The following PACS2 variants were observed in gnomAD, a reference collection of about 807,000 sequenced individuals.
PACS2 encodes the protein PACS1-like protein.
In PACS2, 36 loss-of-function variants were observed where a neutral mutation model predicts 113.0. That is an observed-to-expected ratio of 0.32 (90% CI 0.24 to 0.42). The LOEUF is 0.42. Ranked by LOEUF, PACS2 falls within the 10% of genes least tolerant of loss-of-function variation. The pLI is 1.00. For missense variants in PACS2, 1,015 were observed against 1,239.5 expected, an observed-to-expected ratio of 0.82 and a Z score of 2.72; for synonymous variants, 589 against 536.1, an observed-to-expected ratio of 1.10 and a Z score of -1.36.
chr14:105,335,440 G>A (rs587656793), intron 1 of PACS2, among the ~76,000 whole-genome samples: 45 of 147,688 alleles, frequency 3.0e-4, no homozygotes, highest in African/African-American at 1.1e-3. Context: ...GGCGCCTGGC[G>A]TGGCTCTGAC....
At chr14:105,362,204 G>A (rs1566940560) in intron 4 of PACS2, among the ~76,000 whole-genome samples, 3 of 151,096 alleles carry the variant, frequency 2.0e-5, no homozygotes, top group East Asian at 2.0e-4. Flanking sequence ...GGATCACGAG[G>A]TCAGGAGATC....
chr14:105,322,392 T>C (rs587767838), intron 1 of PACS2, among the ~76,000 whole-genome samples: 73 of 151,830 alleles, frequency 4.8e-4, no homozygotes, highest in Middle Eastern at 3.4e-3. Context: ...GCCTCCCGAG[T>C]AGCTGGAACT....
intron 8 of PACS2, chr14:105,372,549 T>C (rs1555409593): frequency 6.6e-6 from 1 of 152,222 alleles, no homozygotes; most frequent in East Asian, 1.9e-4. Flanking sequence ...GTAAATATTA[T>C]GTTTTATATA....
intron 9 of PACS2, 101 bp from the exon 10 acceptor site, chr14:105,379,638 T>G: frequency 1.1e-6 from 1 of 945,362 alleles, no homozygotes; most frequent in Admixed American, 1.8e-5. Flanking sequence ...TGCCGTTGGA[T>G]TCTGCAGTCT....
At chr14:105,351,052 G>T (rs908824508) in intron 2 of PACS2, among the ~76,000 whole-genome samples, 6 of 152,182 alleles carry the variant, frequency 3.9e-5, no homozygotes, top group Non-Finnish European at 5.9e-5. Context: ...ACCCGAACCT[G>T]GGCTGGCCCC....
intron 1 of PACS2, among the ~76,000 whole-genome samples, chr14:105,316,461 C>T (rs1359763009): frequency 2.0e-5 from 3 of 152,276 alleles, no homozygotes; most frequent in Non-Finnish European, 2.9e-5. Flanking sequence ...GCCTCACCCA[C>T]AGCCCCAGAA....
rs587605866 is a variant in PACS2 at position 105,367,053 on chromosome 14, T to G, written c.424-160T>G. Among the ~76,000 whole-genome samples, 6 of 152,318 alleles carry G rather than the reference T, an allele frequency of 3.9e-5. No homozygotes were observed. In the East Asian group the frequency reaches 1.2e-3, roughly 29 times the overall value. ...GTCCCCTCTCCCCAGTGGCCACGTT[T>G]CCTGTCCACTGGATGCTCCCTGCCC... On this transcript the variant is annotated intron_variant, in intron 4 of 24. Coordinates refer to ENST00000447393, the MANE Select transcript of PACS2 (RefSeq NM_001100913.3).
intron 4 of PACS2, among the ~76,000 whole-genome samples, chr14:105,359,159 C>T (rs1373700859): frequency 6.6e-6 from 1 of 152,138 alleles, no homozygotes; most frequent in Non-Finnish European, 1.5e-5. Flanking sequence ...CGCGGCGGTG[C>T]GTGGTGACCT....
At position 105,397,058 on chromosome 14, in the gene PACS2, C is replaced by G. The variant is rs1470845247; in HGVS notation, c.*2386C>G. Reference sequence around the variant, plus strand: ...AGTCTCCATCCAGCAGCTGGGGGTTCTGGTGGCACTCCCTGTGCCCCTGCT... The same window carrying G: ...AGTCTCCATCCAGCAGCTGGGGGTTGTGGTGGCACTCCCTGTGCCCCTGCT... On this transcript the variant is annotated 3_prime_UTR_variant, in exon 25 of 25. Transcript: ENST00000447393. 1.3e-5 allele frequency: 2 copies of G among 152,284 alleles called. No homozygotes were observed. The highest frequency in any genetic ancestry group is 6.5e-5 in the Admixed American group (1 of 15,288). The allele number at this position is 152,284 out of a possible 1,614,324, so 9.4% of individuals were successfully genotyped here.
At chr14:105,341,240 G>A (rs1475789050) in intron 1 of PACS2, among the ~76,000 whole-genome samples, 10 of 152,158 alleles carry the variant, frequency 6.6e-5, no homozygotes, top group African/African-American at 1.2e-4. Context: ...TATGCCTCTC[G>A]CTTCTCTCTG....
intron 16 of PACS2, chr14:105,383,971 G>A (rs782029551): frequency 5.4e-5 from 16 of 294,768 alleles, no homozygotes; most frequent in Non-Finnish European, 9.0e-5. Context: ...GTCTTACCAC[G>A]AAACAAACCC....
At chr14:105,302,391 CG>C (rs1392253116) in intron 1 of PACS2, among the ~76,000 whole-genome samples, 1 of 150,660 alleles carries the variant, frequency 6.6e-6, no homozygotes, top group African/African-American at 2.4e-5. Context: ...TTAGTAGAGA[CG>C]GGGTTTCTCC....
In PACS2 at chr14:105,329,020, C is replaced by T. The variant is rs1050232010; in HGVS notation, c.119+13983C>T. On this transcript the variant is annotated intron_variant, in intron 1 of 24. Transcript: ENST00000447393. This position sits in a 1 kb window ranked among gnomAD's most constrained non-coding sequence, Gnocchi z 6.4. ...TAGGCATTCGATGAATCTTCTCCAC[C>T]TTGCTGTGGGGTTAATTCAGGGGAG... is the stretch of plus-strand genomic sequence containing the variant. Among the ~76,000 whole-genome samples, 1 of 152,234 alleles carries T rather than the reference C, an allele frequency of 6.6e-6. No homozygotes were observed. Among genetic ancestry groups the T allele is most frequent in the Non-Finnish European group, 1.5e-5 (1 of 68,040 alleles).
intron 8 of PACS2, among the ~76,000 whole-genome samples, chr14:105,375,547 C>T (rs900681847): frequency 6.6e-6 from 1 of 151,552 alleles, no homozygotes; most frequent in Non-Finnish European, 1.5e-5. Flanking sequence ...ACACAAGTAG[C>T]CAATAAGTAC....
At chr14:105,313,523 G>C (rs2058412263), upstream of PACS2, among the ~76,000 whole-genome samples, 1 of 152,212 alleles carries the variant, frequency 6.6e-6, no homozygotes, top group Non-Finnish European at 1.5e-5. Flanking sequence ...AGTCGCAGCT[G>C]TTTGCAGTTC....
chr14:105,392,897 G>T, intron 23 of PACS2, 52 bp downstream of exon 23: 1 of 1,409,108 alleles, frequency 7.1e-7, no homozygotes. Context: ...CGGCTCTGTG[G>T]GAGAGGGCGG....
chr14:105,334,818 C>T (rs918547202), intron 1 of PACS2, among the ~76,000 whole-genome samples: 4 of 152,202 alleles, frequency 2.6e-5, no homozygotes, highest in Admixed American at 6.5e-5. Flanking sequence ...ACGTGCACTG[C>T]GGGGGGGAGC....
At chr14:105,316,208 G>C (rs1277868650) in intron 1 of PACS2, among the ~76,000 whole-genome samples, 1 of 151,914 alleles carries the variant, frequency 6.6e-6, no homozygotes, top group Non-Finnish European at 1.5e-5. Flanking sequence ...GCACCTGGCG[G>C]GGCCTCCCGA....
At chr14:105,361,455 G>A (rs1415269243) in intron 4 of PACS2, among the ~76,000 whole-genome samples, 1 of 152,196 alleles carries the variant, frequency 6.6e-6, no homozygotes, top group Non-Finnish European at 1.5e-5. Context: ...TGGCCAACAT[G>A]GTGAAACCTT....
Sources: allele counts gnomAD v4.1 joint callset (sites outside exome capture counted in the v4.1 genomes callset), GRCh38; gene constraint gnomAD v4.1.1; non-coding constraint Gnocchi (gnomAD v3.1); transcripts MANE v1.5; gene names NCBI Gene and HGNC (gene_info 2026-07-23, HGNC 2026-07-21).